ADAM9: variants seen among roughly 807,000 people sequenced by gnomAD.
ADAM9 encodes ADAM metallopeptidase domain 9.
Under a neutral mutation model 108.1 loss-of-function variants are expected in ADAM9, and 54 were observed. That is an observed-to-expected ratio of 0.50 (90% CI 0.40 to 0.63). The LOEUF is 0.63. Ranked by LOEUF, ADAM9 falls within the 20% of genes least tolerant of loss-of-function variation. ADAM9 has a pLI of 0.00. For synonymous variants in ADAM9, 316 were observed against 336.0 expected (o/e 0.94, Z 0.65); for missense variants, 830 against 997.7 (o/e 0.83, Z 2.26).
intron 14 of ADAM9, among the ~76,000 whole-genome samples, chr8:39,060,172 A>G (rs929278328): frequency 1.3e-5 from 2 of 152,154 alleles, no homozygotes; most frequent in African/African-American, 4.8e-5. Flanking sequence ...TTTTTTCTCA[A>G]AAGGAGAGTA....
At chr8:39,063,136 T>G (rs1242859254) in intron 14 of ADAM9, among the ~76,000 whole-genome samples, 3 of 152,176 alleles carry the variant, frequency 2.0e-5, no homozygotes, top group Non-Finnish European at 4.4e-5. Context: ...TTAATATCCA[T>G]TCCCACACAT....
chr8:39,046,292 C>A (rs1837771617), intron 12 of ADAM9, among the ~76,000 whole-genome samples: 1 of 151,884 alleles, frequency 6.6e-6, no homozygotes. Context: ...GTGAAAATGA[C>A]CTTATTTTTG....
At chr8:39,049,441 G>GTT (rs559508620) in intron 12 of ADAM9, among the ~76,000 whole-genome samples, 22 of 134,804 alleles carry the variant, frequency 1.6e-4, no homozygotes, top group Non-Finnish European at 2.6e-4. Context: ...ATTTTTTATA[G>GTT]TTTTTTTTTT....
chr8:39,057,766 C>T (rs1466060654), intron 14 of ADAM9, among the ~76,000 whole-genome samples: 1 of 152,186 alleles, frequency 6.6e-6, no homozygotes, highest in African/African-American at 2.4e-5. Flanking sequence ...ATAGGGAGGG[C>T]AGTCTGCTTT....
chr8:39,083,117 A>G (rs1839073969), intron 18 of ADAM9, 44 bp downstream of exon 18: 1 of 1,530,460 alleles, frequency 6.5e-7, no homozygotes, highest in East Asian at 2.3e-5. Context: ...CCAGTGGCCC[A>G]AGGCATAAAT....
intron 19 of ADAM9, 47 bp downstream of exon 19, chr8:39,090,235 C>A (rs759656572): frequency 2.7e-6 from 4 of 1,490,266 alleles, no homozygotes; most frequent in South Asian, 2.4e-5. Context: ...TATATACATA[C>A]ATTTTCTGAG....
chr8:39,068,587 A>C (rs1219822990), intron 14 of ADAM9, among the ~76,000 whole-genome samples: 42 of 146,536 alleles, frequency 2.9e-4, no homozygotes, highest in African/African-American at 2.5e-5. Context: ...AGGCAGGAGA[A>C]TCGCTTGAAC....
Position 39,017,373 on chromosome 8 carries a change from G to A in ADAM9, c.565G>A (p.Asp189Asn). The change falls in exon 6 of 22, where the codon GAT becomes AAT. Residue 189 changes from aspartate to asparagine, a missense_variant. Transcript: ENST00000487273. The stretch of plus-strand genomic sequence containing the variant: ...GGATATAGAGAAAGAAACTGCAAAG[G>A]ATGAAGAGGAAGAGCCTCCCAGCAT... ...NKDIEKETAKDEEEEPPSMTQ... is the reference protein window; with the variant it reads ...NKDIEKETAKNEEEEPPSMTQ... 6.2e-7 allele frequency: 1 copy of A among 1,614,060 alleles called. No homozygotes were observed. The highest frequency in any genetic ancestry group is 8.5e-7 in the Non-Finnish European group (1 of 1,179,992).
intron 9 of ADAM9, among the ~76,000 whole-genome samples, chr8:39,025,021 G>A (rs892581209): frequency 6.6e-6 from 1 of 152,140 alleles, no homozygotes; most frequent in Non-Finnish European, 1.5e-5. Context: ...AGGTCCAGGC[G>A]GAGGGAACAG....
chr8:39,086,764 G>A (rs1333617087), intron 18 of ADAM9, among the ~76,000 whole-genome samples: 2 of 152,084 alleles, frequency 1.3e-5, no homozygotes, highest in East Asian at 1.9e-4. Flanking sequence ...GAGTTACGTC[G>A]ACATAGTTTG....
chr8:39,030,869 T>A (rs895041152), intron 11 of ADAM9, among the ~76,000 whole-genome samples: 14 of 152,228 alleles, frequency 9.2e-5, no homozygotes, highest in African/African-American at 3.1e-4. Context: ...TCTTTTTCCT[T>A]CTTTATGTCT....
chr8:39,016,267 A>G (rs897770695), intron 5 of ADAM9, 73 bp downstream of exon 5: 11 of 1,372,004 alleles, frequency 8.0e-6, no homozygotes, highest in Admixed American at 1.7e-5. Flanking sequence ...TCTGTCTCCA[A>G]ATTAAATCAT....
chr8:39,015,297 TGAC>T (rs1836490575), intron 4 of ADAM9: 3 of 152,214 alleles, frequency 2.0e-5, no homozygotes, highest in Admixed American at 6.5e-5. Flanking sequence ...TAGAACAGTC[TGAC>T]AATTTTTAAC....
chr8:39,102,900 T>G (rs534142053), intron 21 of ADAM9, among the ~76,000 whole-genome samples: 2 of 152,250 alleles, frequency 1.3e-5, no homozygotes, highest in Non-Finnish European at 2.9e-5. Flanking sequence ...TGCAAATGCA[T>G]GTGACCCTCC....
intron 1 of ADAM9, among the ~76,000 whole-genome samples, chr8:38,999,710 C>T (rs1835937365): frequency 6.6e-6 from 1 of 152,148 alleles, no homozygotes; most frequent in Non-Finnish European, 1.5e-5. Flanking sequence ...AACCTAGTTC[C>T]TGGTTTCCAA....
intron 2 of ADAM9, among the ~76,000 whole-genome samples, chr8:39,009,964 A>AAACAACCCC (rs1554572507): frequency 7.4e-4 from 79 of 106,540 alleles, no homozygotes; most frequent in Middle Eastern, 5.2e-3. Context: ...ACAAAAACAA[A>AAACAACCCC]CCCCCCCCCC....
intron 14 of ADAM9, among the ~76,000 whole-genome samples, chr8:39,062,654 TC>T (rs1333093797): frequency 2.0e-5 from 3 of 152,356 alleles, no homozygotes; most frequent in Admixed American, 2.0e-4. Flanking sequence ...GTTGACACTT[TC>T]CTATCACCTA....
chr8:39,054,333 T>C, intron 12 of ADAM9, 148 bp from the exon 13 acceptor site: 1 of 701,452 alleles, frequency 1.4e-6, no homozygotes, highest in Non-Finnish European at 2.5e-6. Context: ...CATTGTTAAA[T>C]CCAGAAACAG....
chr8:39,097,957 G>A (rs1316307969), intron 20 of ADAM9, among the ~76,000 whole-genome samples: 1 of 152,232 alleles, frequency 6.6e-6, no homozygotes, highest in Non-Finnish European at 1.5e-5. Flanking sequence ...ATTTTCCCAT[G>A]TGTTGATTGT....
Sources: allele counts gnomAD v4.1 joint callset (sites outside exome capture counted in the v4.1 genomes callset), GRCh38; gene constraint gnomAD v4.1.1; transcripts MANE v1.5; gene names NCBI Gene and HGNC (gene_info 2026-07-23, HGNC 2026-07-21).